Variants in ASCC3 observed in about 807,000 individuals in gnomAD.
ASCC3 encodes activating signal cointegrator 1 complex subunit 3.
In ASCC3, 158 loss-of-function variants were observed where a neutral mutation model predicts 256.3. The ratio of observed to expected loss-of-function variants is 0.62; its 90% confidence interval spans 0.54 to 0.70. ASCC3 has a LOEUF of 0.70. Ranked by LOEUF, ASCC3 falls within the 30% of genes least tolerant of loss-of-function variation. The pLI, the probability that ASCC3 is intolerant of heterozygous loss-of-function variation, is 0.00. For synonymous variants in ASCC3, 948 were observed against 883.4 expected (o/e 1.07, Z -1.30); for missense variants, 2,259 against 2,626.0 (o/e 0.86, Z 3.05).
At chr6:100,738,384 T>C (rs960651429) in intron 10 of ASCC3, among the ~76,000 whole-genome samples, 2 of 152,204 alleles carry the variant, frequency 1.3e-5, no homozygotes, top group African/African-American at 2.4e-5. Context: ...CATCTTGAGT[T>C]AATTTTTGCA....
At chr6:100,597,270 T>C (rs1772348664) in intron 34 of ASCC3, among the ~76,000 whole-genome samples, 1 of 152,160 alleles carries the variant, frequency 6.6e-6, no homozygotes, top group Non-Finnish European at 1.5e-5. Flanking sequence ...AGAACATGAG[T>C]GCCAAGATAG....
At chr6:100,590,740 T>G (rs2114774077) in intron 34 of ASCC3, among the ~76,000 whole-genome samples, 1 of 152,108 alleles carries the variant, frequency 6.6e-6, no homozygotes, top group East Asian at 1.9e-4. Context: ...GCTAACAATT[T>G]CAAATGGGAG....
chr6:100,549,806 A>T (rs985796882), intron 36 of ASCC3, among the ~76,000 whole-genome samples: 1 of 152,014 alleles, frequency 6.6e-6, no homozygotes, highest in Admixed American at 6.6e-5. Flanking sequence ...TAAGTGAGGA[A>T]TAAGACATTC....
chr6:100,632,607 T>C (rs1487969841), intron 25 of ASCC3, among the ~76,000 whole-genome samples: 2 of 152,032 alleles, frequency 1.3e-5, no homozygotes, highest in African/African-American at 2.4e-5. Flanking sequence ...TGTGGAAGTA[T>C]GGACCTGACA....
At chr6:100,862,161 G>A (rs940548900) in intron 3 of ASCC3, among the ~76,000 whole-genome samples, 4 of 152,022 alleles carry the variant, frequency 2.6e-5, no homozygotes, top group African/African-American at 7.2e-5. Context: ...CTGTATTTTC[G>A]CCACTACTTT....
chr6:100,824,548 T>C (rs1312731386), intron 4 of ASCC3, among the ~76,000 whole-genome samples: 1 of 152,178 alleles, frequency 6.6e-6, no homozygotes, highest in African/African-American at 2.4e-5. Context: ...CCTTTCGAAT[T>C]AGAATACGGT....
intron 4 of ASCC3, among the ~76,000 whole-genome samples, chr6:100,809,555 C>T (rs961586350): frequency 6.6e-6 from 1 of 152,002 alleles, no homozygotes; most frequent in African/African-American, 2.4e-5. Flanking sequence ...CATGACTGTA[C>T]TTGAAGAGTT....
At chr6:100,746,907 T>C (rs895083417) in intron 10 of ASCC3, among the ~76,000 whole-genome samples, 1 of 152,108 alleles carries the variant, frequency 6.6e-6, no homozygotes, top group Admixed American at 6.5e-5. Flanking sequence ...TTGTTTTCAA[T>C]AGAGGTGTCA....
rs1387058242 is a variant in ASCC3 at position 100,725,593 on chromosome 6, C to A, written c.1848G>T (p.Leu616=). The part of the protein sequence containing the change: ...RLLILDEVHL[L]HEDRGPVLES... Reference sequence around the variant, plus strand: ...CTAATACTGGTCCTCTATCTTCATGCAGCAAATGAACTTCATCAAGAATAA... The same window carrying A: ...CTAATACTGGTCCTCTATCTTCATGAAGCAAATGAACTTCATCAAGAATAA... The change falls in exon 11 of 42, where the codon CTG becomes CTT. Residue 616 remains leucine, a synonymous_variant. Coordinates refer to ENST00000369162, the MANE Select transcript of ASCC3 (RefSeq NM_006828.4). 4 of 1,612,822 alleles carry A rather than the reference C, an allele frequency of 2.5e-6. No homozygotes were observed. Among genetic ancestry groups the A allele is most frequent in the Non-Finnish European group, 3.4e-6 (4 of 1,179,166 alleles).
At chr6:100,712,959 C>T (rs947436689) in intron 13 of ASCC3, among the ~76,000 whole-genome samples, 2 of 151,768 alleles carry the variant, frequency 1.3e-5, no homozygotes, top group Admixed American at 6.6e-5. Flanking sequence ...AGAGTTTCAC[C>T]GTGTTAGCCA....
At chr6:100,694,804 G>A (rs1404587188) in intron 13 of ASCC3, among the ~76,000 whole-genome samples, 1 of 152,092 alleles carries the variant, frequency 6.6e-6, no homozygotes, top group Non-Finnish European at 1.5e-5. Context: ...ATAGGGGAAA[G>A]GAAGCTATTC....
rs754609274 is a variant in ASCC3 at position 100,642,767 on chromosome 6, C to G, written c.3733-18G>C. 6.3e-7 allele frequency: 1 copy of G among 1,595,286 alleles called. No individual in the cohort carries two copies. Among genetic ancestry groups the G allele is most frequent in the South Asian group, 1.1e-5 (1 of 90,592 alleles). On this transcript the variant is annotated intron_variant, in intron 23 of 41. Coordinates refer to ENST00000369162, the MANE Select transcript of ASCC3 (RefSeq NM_006828.4). ...CTAATGACCTAATATGAAATACAGTCAAAAATAAATATGGATATTCTAATA... is the reference window on the plus strand; with the variant it reads ...CTAATGACCTAATATGAAATACAGTGAAAAATAAATATGGATATTCTAATA...
chr6:100,635,601 AAAG>A lies in ASCC3; in HGVS notation c.4122+2997_4122+2999del, dbSNP rs1774803189. ...AGATTTTATGTGTTCTCATCACAAA[AAAG>A]ATAACTATTTGAAGTGATAGGTATG... On this transcript the variant is annotated intron_variant, in intron 25 of 41. Transcript: ENST00000369162. Among the ~76,000 whole-genome samples the A allele has an allele frequency of 2.0e-5, 3 of 152,324 alleles. No homozygotes were observed. In the South Asian group the frequency reaches 6.2e-4, roughly 32 times the overall value.
intron 36 of ASCC3, among the ~76,000 whole-genome samples, chr6:100,564,397 T>C (rs1219246757): frequency 2.0e-5 from 3 of 152,158 alleles, no homozygotes. Context: ...TTCTACTCCC[T>C]ACCTCCATGA....
At chr6:100,657,546 T>C (rs1028403226) in intron 16 of ASCC3, among the ~76,000 whole-genome samples, 2 of 151,472 alleles carry the variant, frequency 1.3e-5, no homozygotes, top group African/African-American at 2.4e-5. Context: ...CTTTATGATG[T>C]TACTTTAAAA....
intron 8 of ASCC3, among the ~76,000 whole-genome samples, chr6:100,785,260 A>G (rs1162943903): frequency 6.6e-6 from 1 of 152,196 alleles, no homozygotes; most frequent in African/African-American, 2.4e-5. Flanking sequence ...CTTATTTTCT[A>G]CAATGAAACT....
rs74908014 is a variant in ASCC3 at position 100,803,710 on chromosome 6, G to T, written c.922+2050C>A. On this transcript the variant is annotated intron_variant, in intron 5 of 41. Transcript: ENST00000369162. ...CTTACAATCTCAAAGGAACTTTAAG[G>T]CTCTGAGAACATGTATTAGTAATCA... Among the ~76,000 whole-genome samples the T allele has an allele frequency of 4.8e-3, 727 of 152,138 alleles. 20 individuals carry two copies. The East Asian group carries it at 0.07, about 15-fold the overall frequency.
At chr6:100,545,877 G>C (rs1775697332) in intron 36 of ASCC3, among the ~76,000 whole-genome samples, 1 of 152,080 alleles carries the variant, frequency 6.6e-6, no homozygotes, top group African/African-American at 2.4e-5. Flanking sequence ...CACCATGCCT[G>C]GTCTGCTCTT....
chr6:100,837,129 A>G (rs1037540727), intron 4 of ASCC3, among the ~76,000 whole-genome samples: 1 of 152,096 alleles, frequency 6.6e-6, no homozygotes, highest in Admixed American at 6.6e-5. Flanking sequence ...AAAATGCTCA[A>G]TATCACTAAT....
Sources: allele counts gnomAD v4.1 joint callset (sites outside exome capture counted in the v4.1 genomes callset), GRCh38; gene constraint gnomAD v4.1.1; transcripts MANE v1.5; gene names NCBI Gene and HGNC (gene_info 2026-07-23, HGNC 2026-07-21).